Variants in SPINT2 observed in about 807,000 individuals in gnomAD.
SPINT2 encodes the protein serine peptidase inhibitor, Kunitz type 2, also known as kunitz-type protease inhibitor 2.
A neutral mutation model predicts 30.1 loss-of-function variants in SPINT2; 18 were observed. The observed-to-expected ratio is 0.60, with a 90% confidence interval of 0.41 to 0.89. SPINT2 has a LOEUF of 0.89. Ranked by LOEUF, SPINT2 falls within the 40% of genes least tolerant of loss-of-function variation. The pLI is 0.00. For missense variants in SPINT2, 276 were observed against 334.3 expected, an observed-to-expected ratio of 0.83 and a Z score of 1.36; for synonymous variants, 139 against 137.9, an observed-to-expected ratio of 1.01 and a Z score of -0.05.
chr19:38,279,452 G>A (rs894764963), intron 1 of SPINT2, among the ~76,000 whole-genome samples: 16 of 151,510 alleles, frequency 1.1e-4, no homozygotes, highest in African/African-American at 3.4e-4. Context: ...AGCCGAGATC[G>A]CACCATTGCA....
chr19:38,283,004 GTT>G (rs60957053), intron 1 of SPINT2, among the ~76,000 whole-genome samples: 18,403 of 147,068 alleles, frequency 0.13, 1,331 homozygotes, highest in East Asian at 0.28. Flanking sequence ...GTTTTGTTTT[GTT>G]TTTTTTTTTT....
chr19:38,286,151 G>C (rs1968638290), intron 2 of SPINT2, among the ~76,000 whole-genome samples: 3 of 152,200 alleles, frequency 2.0e-5, no homozygotes, highest in Admixed American at 1.3e-4. Flanking sequence ...AGGGCTGCTA[G>C]TGCCTGGGGT....
At chr19:38,287,836 G>C (rs747453252) in intron 2 of SPINT2, 40 bp from the exon 3 acceptor site, 1 of 1,612,804 alleles carries the variant, frequency 6.2e-7, no homozygotes, top group Admixed American at 1.7e-5. Context: ...GCAGTCTCTC[G>C]AAAGCTCTTT....
At chr19:38,286,087 A>T (rs1196147198) in intron 2 of SPINT2, among the ~76,000 whole-genome samples, 1 of 152,134 alleles carries the variant, frequency 6.6e-6, no homozygotes, top group Non-Finnish European at 1.5e-5. Context: ...ACTGGCTGCA[A>T]TGTGTGTCTC....
In SPINT2 at chr19:38,290,737, C is replaced by A; in HGVS notation, c.592+162C>A. 9.7e-7 allele frequency: 1 copy of A among 1,030,120 alleles called. No homozygotes were observed. Among genetic ancestry groups the A allele is most frequent in the Non-Finnish European group, 1.4e-6 (1 of 690,908 alleles). The allele number at this position is 1,030,120 out of a possible 1,614,324, so 63.8% of individuals were successfully genotyped here. A position where few individuals can be genotyped will look rare whatever the true frequency, so the allele number is the denominator to read the frequency against. On this transcript the variant is annotated intron_variant, in intron 6 of 6. Transcript: ENST00000301244. This position sits in a 1 kb window ranked among gnomAD's most constrained non-coding sequence, Gnocchi z 4.3. ...AGAATGGCGAGGTGGTGGTTTGTCC[C>A]ACCGTTCAGTGTACACAGTTGGGGC...
At chr19:38,266,077 C>T (rs1968374650) in intron 1 of SPINT2, among the ~76,000 whole-genome samples, 1 of 152,190 alleles carries the variant, frequency 6.6e-6, no homozygotes, top group African/African-American at 2.4e-5. Context: ...AAGAATGAGG[C>T]AGTAGCCACA....
chr19:38,281,879 G>A (rs1452488401), intron 1 of SPINT2, among the ~76,000 whole-genome samples: 1 of 152,068 alleles, frequency 6.6e-6, no homozygotes, highest in Non-Finnish European at 1.5e-5. Flanking sequence ...CCAGTACCAA[G>A]CAGCCACTCA....
At chr19:38,288,013 C>A in intron 3 of SPINT2, 78 bp downstream of exon 3, 1 of 1,503,022 alleles carries the variant, frequency 6.7e-7, no homozygotes, top group Non-Finnish European at 9.3e-7. Flanking sequence ...CATTTGGGAA[C>A]TGTCACAGGC....
At chr19:38,289,341 G>A in intron 4 of SPINT2, 150 bp downstream of exon 4, 1 of 646,558 alleles carries the variant, frequency 1.5e-6, no homozygotes, top group Non-Finnish European at 2.8e-6. Flanking sequence ...AAAATTAGCT[G>A]GACGTAGTGG....
In SPINT2 at chr19:38,264,872, C is replaced by T. The variant is rs1235933494; in HGVS notation, c.-21C>T. 8 of 1,531,368 alleles carry T rather than the reference C, an allele frequency of 5.2e-6. No homozygotes were observed. Among genetic ancestry groups the T allele is most frequent in the East Asian group, 4.9e-5 (2 of 40,714 alleles). The allele number at this position is 1,531,368 out of a possible 1,614,324, so 94.9% of individuals were successfully genotyped here. A position where few individuals can be genotyped will look rare whatever the true frequency, so the allele number is the denominator to read the frequency against. On this transcript the variant is annotated 5_prime_UTR_variant, in exon 1 of 7. Transcript: ENST00000301244. Reference sequence around the variant, plus strand: ...CCCCAACGGCTGGTGGCGTCGCCTGCGCGTCTCGGCTGAGCTGGCCATGGC... The same window carrying T: ...CCCCAACGGCTGGTGGCGTCGCCTGTGCGTCTCGGCTGAGCTGGCCATGGC...
intron 1 of SPINT2, among the ~76,000 whole-genome samples, chr19:38,265,886 C>G (rs1171556277): frequency 2.0e-5 from 3 of 152,162 alleles, no homozygotes; most frequent in African/African-American, 7.2e-5. Context: ...AGCTAATATT[C>G]CAGTGGGAGA....
intron 1 of SPINT2, among the ~76,000 whole-genome samples, chr19:38,269,904 C>T (rs556695963): frequency 1.1e-4 from 16 of 152,112 alleles, no homozygotes; most frequent in Admixed American, 2.6e-4. Flanking sequence ...CCACCGCGCC[C>T]GGCCTGAGAT....
intron 1 of SPINT2, among the ~76,000 whole-genome samples, chr19:38,281,014 C>G (rs1268923321): frequency 6.6e-6 from 1 of 152,154 alleles, no homozygotes; most frequent in African/African-American, 2.4e-5. Flanking sequence ...GTTGGGTGCT[C>G]TTGCCTTGAT....
intron 4 of SPINT2, chr19:38,289,788 G>A: frequency 5.0e-6 from 2 of 396,642 alleles, no homozygotes; most frequent in Middle Eastern, 1.6e-3. Context: ...CGGCTTGGCT[G>A]TGGGCAAGTG....
At chr19:38,265,054 T>C (rs919516711) in intron 1 of SPINT2, 56 bp downstream of exon 1, 5 of 984,538 alleles carry the variant, frequency 5.1e-6, no homozygotes, top group East Asian at 5.0e-5. Flanking sequence ...GGCTCGGGGG[T>C]CAACGGGGGT....
chr19:38,275,667 C>T (rs1968508248), intron 1 of SPINT2, among the ~76,000 whole-genome samples: 1 of 152,060 alleles, frequency 6.6e-6, no homozygotes, highest in African/African-American at 2.4e-5. Flanking sequence ...AAATGATCCT[C>T]CTGCCTCGGC....
intron 2 of SPINT2, among the ~76,000 whole-genome samples, chr19:38,285,683 T>C (rs1482085455): frequency 6.6e-6 from 1 of 152,144 alleles, no homozygotes; most frequent in Non-Finnish European, 1.5e-5. Context: ...ACACTGGCCT[T>C]TAAGTAAAAA....
chr19:38,275,979 G>A (rs754566706), intron 1 of SPINT2, among the ~76,000 whole-genome samples: 7 of 151,542 alleles, frequency 4.6e-5, no homozygotes, highest in Non-Finnish European at 8.8e-5. Flanking sequence ...CACCTGCCTC[G>A]GCCTCCCAAA....
chr19:38,278,051 G>A (rs999915224), intron 1 of SPINT2, among the ~76,000 whole-genome samples: 3 of 152,110 alleles, frequency 2.0e-5, no homozygotes, highest in African/African-American at 4.8e-5. Flanking sequence ...ATAGCATTTT[G>A]TCATTTCATA....
Sources: gnomAD v4.1 joint callset for allele counts (sites outside exome capture counted in the v4.1 genomes callset) on GRCh38, gnomAD v4.1.1 for gene constraint, Gnocchi (gnomAD v3.1) non-coding constraint, MANE v1.5 for transcripts, NCBI Gene and HGNC (gene_info 2026-07-23, HGNC 2026-07-21) for gene names.